Variants in TNRC6B observed in about 807,000 individuals in gnomAD.
TNRC6B encodes trinucleotide repeat-containing gene 6B protein.
In TNRC6B, 52 loss-of-function variants were observed where a neutral mutation model predicts 203.6. The ratio of observed to expected loss-of-function variants is 0.26; its 90% CI spans 0.20 to 0.32. The LOEUF is 0.32. TNRC6B is among the 10% of genes least tolerant of loss of function. The pLI, the probability that TNRC6B is intolerant of heterozygous loss-of-function variation, is 1.00. For synonymous variants in TNRC6B, 838 were observed against 845.7 expected (o/e 0.99, Z 0.16); for missense variants, 1,923 against 2,286.2 (o/e 0.84, Z 3.24).
At chr22:40,223,885 T>G (rs1411116488) in intron 1 of TNRC6B, among the ~76,000 whole-genome samples, 1 of 152,242 alleles carries the variant, frequency 6.6e-6, no homozygotes, top group Admixed American at 6.5e-5. Flanking sequence ...TCATCAGCAA[T>G]GGTATATGTG....
At chr22:40,241,187 C>T (rs1666199764) in intron 1 of TNRC6B, among the ~76,000 whole-genome samples, 1 of 152,246 alleles carries the variant, frequency 6.6e-6, no homozygotes, top group Admixed American at 6.5e-5. Flanking sequence ...TTTTAAAAAG[C>T]CTCTTTTTCC....
chr22:40,133,473 A>G (rs2068570779), intron 3 of TNRC6B, among the ~76,000 whole-genome samples: 1 of 152,208 alleles, frequency 6.6e-6, no homozygotes, highest in Admixed American at 6.5e-5. Context: ...GGAGGTAACC[A>G]TACCATACAG....
At chr22:40,291,973 A>G (rs2146535858) in intron 12 of TNRC6B, among the ~76,000 whole-genome samples, 1 of 152,346 alleles carries the variant, frequency 6.6e-6, no homozygotes, top group African/African-American at 2.4e-5. Flanking sequence ...CAGGTGGATC[A>G]CCTGAGATCA....
chr22:40,301,085 GCA>G, intron 14 of TNRC6B, 63 bp from the exon 15 acceptor site: 3 of 1,562,142 alleles, frequency 1.9e-6, no homozygotes, highest in African/African-American at 1.4e-5. Context: ...AAAGAACCGG[GCA>G]CAGTCTTTTC....
intron 12 of TNRC6B, 50 bp from the exon 13 acceptor site, chr22:40,300,405 A>T (rs2071007225): frequency 6.8e-6 from 10 of 1,464,416 alleles, no homozygotes; most frequent in Non-Finnish European, 9.1e-6. Context: ...TTATTTTGAT[A>T]AATTCTGAAG....
chr22:40,171,648 T>C (rs970152983), intron 4 of TNRC6B, among the ~76,000 whole-genome samples: 2 of 152,168 alleles, frequency 1.3e-5, no homozygotes, highest in Non-Finnish European at 2.9e-5. Context: ...AAGCAACTAA[T>C]GGATAAAATG....
chr22:40,129,296 G>A (rs186378747), intron 3 of TNRC6B, among the ~76,000 whole-genome samples: 184 of 152,316 alleles, frequency 1.2e-3, no homozygotes, highest in African/African-American at 2.7e-3. Context: ...CTGTTCACTC[G>A]AGGAGTGATG....
chr22:40,244,536 C>A (rs890778607), intron 1 of TNRC6B, among the ~76,000 whole-genome samples: 1 of 151,436 alleles, frequency 6.6e-6, no homozygotes, highest in African/African-American at 2.4e-5. Context: ...TCCATGGTTC[C>A]TTTTGTATAG....
chr22:40,090,688 A>G (rs533336444), intron 1 of TNRC6B, among the ~76,000 whole-genome samples: 7 of 152,174 alleles, frequency 4.6e-5, no homozygotes, highest in Non-Finnish European at 8.8e-5. Flanking sequence ...GGTATGAATT[A>G]TTGATATATT....
At chr22:40,184,101 C>G (rs1397797292) in intron 1 of TNRC6B, among the ~76,000 whole-genome samples, 2 of 152,246 alleles carry the variant, frequency 1.3e-5, no homozygotes, top group East Asian at 3.9e-4. Context: ...CATTCATTGA[C>G]GTTGGAATTT....
intron 1 of TNRC6B, among the ~76,000 whole-genome samples, chr22:40,101,196 G>C (rs1000095341): frequency 6.6e-6 from 1 of 152,040 alleles, no homozygotes; most frequent in Non-Finnish European, 1.5e-5. Context: ...GTTTCATTGC[G>C]TTAGCCAGGA....
chr22:40,046,593 A>T (rs1043224547), intron 1 of TNRC6B, among the ~76,000 whole-genome samples: 1 of 148,804 alleles, frequency 6.7e-6, no homozygotes. Context: ...GATTTCCCTC[A>T]TTCAAATGGA....
In TNRC6B at chr22:40,064,766, G is replaced by A. The variant is rs375691337; in HGVS notation, c.-121+19768G>A. 3.3e-5 allele frequency among the ~76,000 whole-genome samples: 5 copies of A among 151,960 alleles called. No homozygotes were observed. The East Asian group carries it at 5.8e-4, about 18-fold the overall frequency. Reference sequence around the variant, plus strand: ...CGAGTAGCTGGGATTATAGGCATGTGCCACCACACCCGACTAATTTTTGTA... The same window carrying A: ...CGAGTAGCTGGGATTATAGGCATGTACCACCACACCCGACTAATTTTTGTA... On this transcript the variant is annotated intron_variant, in intron 1 of 23. Coordinates refer to the TNRC6B transcript ENST00000301923.
Position 40,273,604 on chromosome 22 carries a change from GC to G in TNRC6B, c.3141+6del. On this transcript the variant is annotated splice_donor_5th_base_variant and intron_variant, in intron 7 of 22. Transcript: ENST00000454349. ...AGGAGGAAAGAAACAAATGAAGGTA[GC>G]CTGCTTAGAAATGTTCGCACTTGCT... 1 of 1,566,152 alleles carries G rather than the reference GC, an allele frequency of 6.4e-7. No individual in the cohort carries two copies. Among genetic ancestry groups the G allele is most frequent in the South Asian group, 1.2e-5 (1 of 84,738 alleles).
intron 21 of TNRC6B, 87 bp from the exon 22 acceptor site, chr22:40,321,002 AG>A: frequency 6.7e-7 from 1 of 1,494,430 alleles, no homozygotes; most frequent in Non-Finnish European, 9.2e-7. Flanking sequence ...TGGGCACACT[AG>A]GTCTCAGCCA....
At chr22:40,158,933 A>C (rs1310922069) in intron 4 of TNRC6B, among the ~76,000 whole-genome samples, 1 of 152,146 alleles carries the variant, frequency 6.6e-6, no homozygotes, top group Admixed American at 6.5e-5. Context: ...TGTAAATATG[A>C]TTCAGTCTGG....
intron 12 of TNRC6B, among the ~76,000 whole-genome samples, chr22:40,296,819 G>A (rs1214669779): frequency 1.3e-5 from 2 of 152,084 alleles, no homozygotes; most frequent in Non-Finnish European, 2.9e-5. Context: ...GTAGAGAGAG[G>A]GTTTTGCCAT....
In TNRC6B at chr22:40,240,025, G is replaced by A. The variant is rs1445157125; in HGVS notation, c.6-5990G>A. Among the ~76,000 whole-genome samples the A allele has an allele frequency of 3.9e-5, 6 of 151,906 alleles. 1 individual carries two copies. Among genetic ancestry groups the A allele is most frequent in the East Asian group, 3.9e-4 (2 of 5,166 alleles). On this transcript the variant is annotated intron_variant, in intron 1 of 22. Transcript: ENST00000454349. ...TTTTTGTATTTTTAGTAGAGATGGG[G>A]TTTCGCCATGTTGGCTAGGCTGATC... is the stretch of plus-strand genomic sequence containing the variant.
intron 12 of TNRC6B, among the ~76,000 whole-genome samples, chr22:40,290,138 AT>A (rs1423687294): frequency 2.0e-5 from 3 of 152,194 alleles, no homozygotes; most frequent in Non-Finnish European, 4.4e-5. Flanking sequence ...AGTCAGACTG[AT>A]TCTCTGACAC....
Sources: gnomAD v4.1 joint callset for allele counts (sites outside exome capture counted in the v4.1 genomes callset) on GRCh38, gnomAD v4.1.1 for gene constraint, MANE v1.5 for transcripts, NCBI Gene and HGNC (gene_info 2026-07-23, HGNC 2026-07-21) for gene names.